The following ADGRL2 variants were observed in gnomAD, a reference collection of about 807,000 sequenced individuals.
The protein encoded by ADGRL2 is adhesion G protein-coupled receptor L2.
A neutral mutation model predicts 157.4 loss-of-function variants in ADGRL2; 44 were observed. The ratio of observed to expected loss-of-function variants is 0.28; its 90% CI spans 0.22 to 0.36. The LOEUF is 0.36. ADGRL2 is among the 10% of genes least tolerant of loss of function. The pLI is 1.00. For synonymous variants in ADGRL2, 585 were observed against 624.7 expected (o/e 0.94, Z 0.95); for missense variants, 1,510 against 1,768.9 (o/e 0.85, Z 2.63).
chr1:81,945,008 A>G (rs140596543), intron 6 of ADGRL2, among the ~76,000 whole-genome samples: 2,504 of 152,172 alleles, frequency 0.016, 45 homozygotes, highest in South Asian at 0.06. Context: ...GACTTAGTGT[A>G]CATCCCCTTT....
chr1:81,510,803 G>A (rs975767693), intron 2 of ADGRL2, among the ~76,000 whole-genome samples: 2 of 152,292 alleles, frequency 1.3e-5, no homozygotes, highest in African/African-American at 4.8e-5. Flanking sequence ...CCATTATTGG[G>A]CTGTCTTTTT....
chr1:81,451,613 C>A (rs2077703839), intron 2 of ADGRL2, among the ~76,000 whole-genome samples: 1 of 152,146 alleles, frequency 6.6e-6, no homozygotes, highest in Non-Finnish European at 1.5e-5. Flanking sequence ...TGGTTTCACT[C>A]AGTTCCTTAG....
intron 2 of ADGRL2, among the ~76,000 whole-genome samples, chr1:81,571,015 T>C (rs1409760473): frequency 6.6e-6 from 1 of 152,110 alleles, no homozygotes; most frequent in Non-Finnish European, 1.5e-5. Context: ...CCAATAAAAC[T>C]TTATTTAAAA....
intron 1 of ADGRL2, among the ~76,000 whole-genome samples, chr1:81,747,128 TGTATATATGTATACATATATAC>T (rs557998231): frequency 0.025 from 3,553 of 144,060 alleles, 133 homozygotes; most frequent in African/African-American, 0.085. Context: ...TGTGTATATA[TGTATATATGTATACATATATAC>T]GTATATATGT....
intron 1 of ADGRL2, among the ~76,000 whole-genome samples, chr1:81,806,380 C>T (rs2089153502): frequency 6.6e-6 from 1 of 151,998 alleles, no homozygotes; most frequent in South Asian, 2.1e-4. Flanking sequence ...AACATTAACA[C>T]CAGGCTTCTG....
At chr1:81,880,218 C>T (rs1571877375) in intron 2 of ADGRL2, among the ~76,000 whole-genome samples, 1 of 152,248 alleles carries the variant, frequency 6.6e-6, no homozygotes. Context: ...GGAATGCTTT[C>T]TAGCATATTA....
In ADGRL2 at chr1:81,397,313, C is replaced by CTTT. The variant is rs59449077; in HGVS notation, c.-301-47700_-301-47698dup. Among the ~76,000 whole-genome samples the CTTT allele has an allele frequency of 3.5e-3, 186 of 53,630 alleles. 10 individuals carry two copies. Among genetic ancestry groups the CTTT allele is most frequent in the African/African-American group, 0.011 (153 of 13,406 alleles). The allele number at this position is 53,630 out of a possible 152,430, so 35.2% of individuals were successfully genotyped here. ...TCTGTGGTATTAGTTATAATGTCTC[C>CTTT]TTTTTTTTTTTTTTTTTTTTTTTTT... On this transcript the variant is annotated intron_variant, in intron 1 of 24. Transcript: ENST00000370721.
rs139721540 is a variant in ADGRL2 at position 81,985,701 on chromosome 1, C to A, written c.3508+346C>A. 3.8e-3 allele frequency among the ~76,000 whole-genome samples: 580 copies of A among 151,950 alleles called. 4 individuals are homozygous for A. The highest frequency in any genetic ancestry group is 0.013 in the African/African-American group (523 of 41,494). ...GCTAAAAACATGTGTAGTAAATCTT[C>A]ATAAACAAAAATACATGAAAGTTTA... On this transcript the variant is annotated intron_variant, in intron 21 of 23. Transcript: ENST00000686636.
intron 2 of ADGRL2, among the ~76,000 whole-genome samples, chr1:81,769,032 G>A (rs1429658808): frequency 4.6e-5 from 7 of 152,072 alleles, no homozygotes; most frequent in Admixed American, 4.6e-4. Context: ...TTGCTGAGTA[G>A]AGATCGCGGC....
At chr1:81,811,615 A>G (rs1286619741) in intron 1 of ADGRL2, among the ~76,000 whole-genome samples, 3 of 151,858 alleles carry the variant, frequency 2.0e-5, no homozygotes, top group Non-Finnish European at 2.9e-5. Flanking sequence ...ATCTAAAACA[A>G]ATTCTGAAAA....
rs968865526 is a variant in ADGRL2, at chr1:81,421,467, C to T, written c.-301-23569C>T. On this transcript the variant is annotated intron_variant, in intron 1 of 24. Coordinates refer to the ADGRL2 transcript ENST00000370721. ...CAAGTGGCAATGATAGCTATAAAAT[C>T]CCTCTCCCTACATGGCTTAGATTTA... 3.9e-5 allele frequency among the ~76,000 whole-genome samples: 6 copies of T among 152,136 alleles called. No homozygotes were observed. In the South Asian group the frequency reaches 1.2e-3, roughly 32 times the overall value.
chr1:81,578,301 A>T (rs140494473), intron 2 of ADGRL2, among the ~76,000 whole-genome samples: 264 of 152,230 alleles, frequency 1.7e-3, no homozygotes, highest in African/African-American at 6.0e-3. Flanking sequence ...TTCACAGGGA[A>T]TCTGTTATTC....
At chr1:81,976,605 TA>T (rs1660257060) in intron 17 of ADGRL2, among the ~76,000 whole-genome samples, 1 of 151,994 alleles carries the variant, frequency 6.6e-6, no homozygotes, top group Non-Finnish European at 1.5e-5. Flanking sequence ...GAAACAGCTT[TA>T]AAAAATTTTG....
intron 1 of ADGRL2, among the ~76,000 whole-genome samples, chr1:81,412,518 T>C (rs1460536693): frequency 6.6e-6 from 1 of 152,218 alleles, no homozygotes; most frequent in African/African-American, 2.4e-5. Flanking sequence ...TGCTATCATG[T>C]CATGTATCAC....
At chr1:81,487,747 T>C (rs1314889694) in intron 2 of ADGRL2, among the ~76,000 whole-genome samples, 2 of 152,160 alleles carry the variant, frequency 1.3e-5, no homozygotes. Context: ...AACTTATATA[T>C]AACCATGTTA....
At chr1:81,471,753 G>A (rs1048224390) in intron 2 of ADGRL2, among the ~76,000 whole-genome samples, 8 of 152,118 alleles carry the variant, frequency 5.3e-5, no homozygotes, top group Admixed American at 2.6e-4. Flanking sequence ...AAACAGCAAC[G>A]AGGTCTTTAT....
chr1:81,390,069 G>A (rs1227532967), intron 1 of ADGRL2, among the ~76,000 whole-genome samples: 3 of 39,304 alleles, frequency 7.6e-5, no homozygotes, highest in Non-Finnish European at 1.7e-4. Context: ...TCACCTCACT[G>A]TAGGCTGGTG....
At chr1:81,621,997 G>A (rs193252013) in intron 3 of ADGRL2, among the ~76,000 whole-genome samples, 220 of 152,204 alleles carry the variant, frequency 1.4e-3, no homozygotes, top group African/African-American at 4.7e-3. Flanking sequence ...AAGCCTCTCC[G>A]TCTTCAGTTA....
chr1:81,663,638 G>A (rs2082700787), intron 3 of ADGRL2, among the ~76,000 whole-genome samples: 1 of 152,224 alleles, frequency 6.6e-6, no homozygotes, highest in Non-Finnish European at 1.5e-5. Context: ...ACCTATCATT[G>A]TAATTTGGTC....
Sources: gnomAD v4.1 joint callset for allele counts (sites outside exome capture counted in the v4.1 genomes callset) on GRCh38, gnomAD v4.1.1 for gene constraint, MANE v1.5 for transcripts, NCBI Gene and HGNC (gene_info 2026-07-23, HGNC 2026-07-21) for gene names.